Variants in GIMAP8 observed in about 807,000 individuals in gnomAD.
GIMAP8 encodes GTPase, IMAP family member 8.
A neutral mutation model predicts 35.6 loss-of-function variants in GIMAP8; 29 were observed. The ratio of observed to expected loss-of-function variants is 0.81; its 90% CI spans 0.61 to 1.11. GIMAP8 has a LOEUF of 1.11. Ranked by LOEUF, GIMAP8 falls within the 50% of genes most tolerant of loss-of-function variation. The pLI is 0.00. For missense variants in GIMAP8, 811 were observed against 805.0 expected, an observed-to-expected ratio of 1.01 and a Z score of -0.09; for synonymous variants, 335 against 308.7, an observed-to-expected ratio of 1.09 and a Z score of -0.89.
intron 2 of GIMAP8, among the ~76,000 whole-genome samples, chr7:150,469,978 T>C (rs996764173): frequency 6.6e-6 from 1 of 152,254 alleles, no homozygotes; most frequent in African/African-American, 2.4e-5. Context: ...TATGCTTGTA[T>C]GTATTTGTAT....
chr7:150,454,727 T>C (rs1376186317), intron 1 of GIMAP8, among the ~76,000 whole-genome samples: 1 of 152,246 alleles, frequency 6.6e-6, no homozygotes, highest in Non-Finnish European at 1.5e-5. Context: ...CATTGTTCTC[T>C]GGCCACAATG....
intron 1 of GIMAP8, among the ~76,000 whole-genome samples, chr7:150,463,166 G>A (rs1425377621): frequency 6.6e-6 from 1 of 151,706 alleles, no homozygotes; most frequent in Non-Finnish European, 1.5e-5. Context: ...GAATTATTCA[G>A]GTCCAGGATT....
At chr7:150,454,504 C>T (rs1050811771) in intron 1 of GIMAP8, among the ~76,000 whole-genome samples, 40 of 152,092 alleles carry the variant, frequency 2.6e-4, no homozygotes, top group African/African-American at 9.4e-4. Flanking sequence ...TGGGTAGGAA[C>T]GTTCCAGGCA....
intron 4 of GIMAP8, among the ~76,000 whole-genome samples, chr7:150,474,873 A>T (rs1175826951): frequency 7.4e-6 from 1 of 134,608 alleles, no homozygotes; most frequent in Non-Finnish European, 1.6e-5. Context: ...ATCCCTCCCC[A>T]CTCCCCCCAC....
chr7:150,452,675 G>GATAGATATATATATAT (rs1379119203), intron 1 of GIMAP8, among the ~76,000 whole-genome samples: 18 of 79,656 alleles, frequency 2.3e-4, no homozygotes, highest in African/African-American at 9.0e-4. Context: ...GTGTGTGTGA[G>GATAGATATATATATAT]ATATATATAT....
chr7:150,452,709 T>TACACAC (rs1554492403), intron 1 of GIMAP8, among the ~76,000 whole-genome samples: 2 of 106,620 alleles, frequency 1.9e-5, no homozygotes, highest in African/African-American at 3.4e-5. Flanking sequence ...TATATATATA[T>TACACAC]ACATGCGAGT....
rs758716528 is a variant in GIMAP8 at position 150,477,190 on chromosome 7, G to A, written c.1408G>A (p.Ala470Thr). The part of the protein sequence containing the change: ...GSLVFTSRLR[A>T]QPVTKTSQSG... ...CCTCGTCTTCACCTCTCGGCTCCGGGCCCAGCCAGTCACCAAGACCAGCCA... is the reference window on the plus strand; with the variant it reads ...CCTCGTCTTCACCTCTCGGCTCCGGACCCAGCCAGTCACCAAGACCAGCCA... Residue 470 changes from alanine (A) to threonine (T), a missense_variant, in exon 5 of 5, where the codon GCC becomes ACC. By Grantham distance (58) the Ala-to-Thr change is moderately conservative (BLOSUM62 0). Coordinates refer to ENST00000307271, the MANE Select transcript of GIMAP8 (RefSeq NM_175571.4). 4.3e-6 allele frequency: 7 copies of A among 1,613,904 alleles called. No homozygotes were observed. Among genetic ancestry groups the A allele is most frequent in the Non-Finnish European group, 5.9e-6 (7 of 1,180,010 alleles).
rs750344929 is a variant in GIMAP8 at position 150,477,257 on chromosome 7, T to C, written c.1475T>C (p.Val492Ala). Residue 492 changes from valine to alanine, a missense_variant, in exon 5 of 5, where the codon GTG (valine) becomes GCG (alanine). Transcript: ENST00000307271. ...RTWDGQEVVV[V>A]DTPSFNQMLD... ...TGGGACGGACAGGAGGTGGTGGTTG[T>C]GGACACTCCTTCCTTCAACCAGATG... 1 of 1,614,114 alleles carries C rather than the reference T, an allele frequency of 6.2e-7. No homozygotes were observed. Among genetic ancestry groups the C allele is most frequent in the Non-Finnish European group, 8.5e-7 (1 of 1,180,010 alleles).
At chr7:150,464,552 T>C (rs1198154707) in intron 1 of GIMAP8, among the ~76,000 whole-genome samples, 1 of 152,032 alleles carries the variant, frequency 6.6e-6, no homozygotes, top group African/African-American at 2.4e-5. Flanking sequence ...GGCATGGTGG[T>C]GTGTGCCTGT....
rs1801983960 is a variant in GIMAP8, at chr7:150,467,183, A to C, written c.485A>C (p.Glu162Ala). 3.1e-6 allele frequency: 5 copies of C among 1,614,244 alleles called. No individual in the cohort carries two copies. In the East Asian group the frequency reaches 1.1e-4, roughly 36 times the overall value. Residue 162 changes from glutamate (E) to alanine (A), a missense_variant, in exon 2 of 5, where the codon GAG (glutamate) becomes GCG (alanine). Transcript: ENST00000307271. The part of the protein sequence containing the change: ...KPLKQLVQDY[E>A]GRYCIFNNKT... ...CTCAAGCAGTTGGTTCAAGACTATG[A>C]GGGCCGATACTGCATTTTCAACAAC...
At chr7:150,462,804 A>C (rs1248045318) in intron 1 of GIMAP8, among the ~76,000 whole-genome samples, 1 of 151,934 alleles carries the variant, frequency 6.6e-6, no homozygotes, top group East Asian at 1.9e-4. Context: ...ATTTGACTAC[A>C]ATATGTTTCA....
At chr7:150,459,322 A>C (rs1801795673) in intron 1 of GIMAP8, among the ~76,000 whole-genome samples, 1 of 152,186 alleles carries the variant, frequency 6.6e-6, no homozygotes, top group Non-Finnish European at 1.5e-5. Context: ...GAGGAGCCCA[A>C]AGTGGCCAGG....
In GIMAP8 at chr7:150,451,479, C is replaced by T. The variant is rs1484293739; in HGVS notation, c.-29+304C>T. 2.0e-5 allele frequency among the ~76,000 whole-genome samples: 3 copies of T among 152,074 alleles called. No homozygotes were observed. Among genetic ancestry groups the T allele is most frequent in the Admixed American group, 6.5e-5 (1 of 15,280 alleles). On this transcript the variant is annotated intron_variant, in intron 1 of 4. Transcript: ENST00000307271. This position sits in a 1 kb window ranked among gnomAD's most constrained non-coding sequence, Gnocchi z 4.1. ...TCCCCAGCCTGCTGGGGAGTAGATT[C>T]GGCAGGATGGGGACAGAGGCATATT...
In GIMAP8 at chr7:150,472,436, C is replaced by T. The variant is rs866604808; in HGVS notation, c.682+1562C>T. ...GCTGTTGTTTTTGTGTGCTCAGATACGATTGCAGAGTGGTTGTGGTTGTGG... is the reference window on the plus strand; with the variant it reads ...GCTGTTGTTTTTGTGTGCTCAGATATGATTGCAGAGTGGTTGTGGTTGTGG... On this transcript the variant is annotated intron_variant, in intron 3 of 4. Coordinates refer to ENST00000307271, the MANE Select transcript of GIMAP8 (RefSeq NM_175571.4). The surrounding 1 kb of genome is among the most constrained non-coding windows in gnomAD (Gnocchi z 4.1). 2.0e-5 allele frequency among the ~76,000 whole-genome samples: 3 copies of T among 152,092 alleles called. No homozygotes were observed. Among genetic ancestry groups the T allele is most frequent in the East Asian group, 1.9e-4 (1 of 5,184 alleles).
Position 150,451,787 on chromosome 7 carries a change from T to C in GIMAP8, c.-29+612T>C, listed in dbSNP as rs979308108. Among the ~76,000 whole-genome samples the C allele has an allele frequency of 1.3e-5, 2 of 152,162 alleles. No homozygotes were observed. Among genetic ancestry groups the C allele is most frequent in the Non-Finnish European group, 2.9e-5 (2 of 68,022 alleles). ...CAGTTAGGATTCTGTGAACTGGGCA[T>C]TGGAGGGATTGGAGGGGTCAAGACC... On this transcript the variant is annotated intron_variant, in intron 1 of 4. Coordinates refer to ENST00000307271, the MANE Select transcript of GIMAP8 (RefSeq NM_175571.4). This position sits in a 1 kb window ranked among gnomAD's most constrained non-coding sequence, Gnocchi z 4.1.
chr7:150,474,456 C>G lies in GIMAP8; in HGVS notation c.1127C>G (p.Thr376Arg), dbSNP rs140725618. The G allele has an allele frequency of 6.2e-7, 1 of 1,613,718 alleles. No homozygotes were observed. The highest frequency in any genetic ancestry group is 1.1e-5 in the South Asian group (1 of 91,044). ...KEDLGDQDLD[T>R]FLRNSNKALY... ...GATTTAGGGGATCAGGATCTAGATA[C>G]GTTCTTAAGAAACAGCAATAAAGCT... is the stretch of plus-strand genomic sequence containing the variant. The change falls in exon 4 of 5, where the codon ACG becomes AGG. Residue 376 changes from threonine (T) to arginine (R), a missense_variant. Thr to Arg is a moderately conservative substitution (Grantham distance 71). Coordinates refer to ENST00000307271, the MANE Select transcript of GIMAP8 (RefSeq NM_175571.4).
intron 4 of GIMAP8, among the ~76,000 whole-genome samples, chr7:150,475,090 T>C (rs146647087): frequency 0.017 from 2,513 of 152,288 alleles, 75 homozygotes; most frequent in African/African-American, 0.058. Flanking sequence ...TTCCATGGTG[T>C]ATATGTGCCA....
intron 1 of GIMAP8, among the ~76,000 whole-genome samples, chr7:150,453,222 AGG>A (rs779581566): frequency 6.6e-5 from 10 of 152,262 alleles, no homozygotes; most frequent in Non-Finnish European, 1.3e-4. Context: ...TTCTCTCCAT[AGG>A]GTGTATCTGG....
intron 1 of GIMAP8, among the ~76,000 whole-genome samples, chr7:150,456,493 ACT>A (rs1461708473): frequency 6.6e-6 from 1 of 151,472 alleles, no homozygotes; most frequent in Non-Finnish European, 1.5e-5. Flanking sequence ...TCTCCTTCTC[ACT>A]CTGACTTTCC....
Sources: gnomAD v4.1 joint callset for allele counts (sites outside exome capture counted in the v4.1 genomes callset) on GRCh38, gnomAD v4.1.1 for gene constraint, Gnocchi (gnomAD v3.1) non-coding constraint, MANE v1.5 for transcripts, NCBI Gene and HGNC (gene_info 2026-07-23, HGNC 2026-07-21) for gene names.